The following PDE4D variants were observed in gnomAD, a reference collection of about 807,000 sequenced individuals.
PDE4D encodes the protein 3',5'-cyclic-AMP phosphodiesterase 4D.
Under a neutral mutation model 87.4 loss-of-function variants are expected in PDE4D, and 24 were observed. The observed-to-expected ratio is 0.27, with a 90% confidence interval of 0.20 to 0.39. The LOEUF (loss-of-function observed/expected upper bound fraction) is 0.39, where lower values mean the gene tolerates loss of function less well. Among genes scored for constraint, PDE4D ranks in the 10% least tolerant of loss-of-function variants. The pLI is 1.00. For synonymous variants in PDE4D, 384 were observed against 383.2 expected, an observed-to-expected ratio of 1.00 and a Z score of -0.02; for missense variants, 714 against 1,041.0, an observed-to-expected ratio of 0.69 and a Z score of 4.32.
chr5:59,022,514 A>C (rs1457269342), intron 6 of PDE4D, among the ~76,000 whole-genome samples: 3 of 152,150 alleles, frequency 2.0e-5, no homozygotes, highest in Non-Finnish European at 4.4e-5. Flanking sequence ...ACCTGCTTAC[A>C]CCTTCCGTGA....
chr5:59,053,509 C>G, intron 5 of PDE4D, among the ~76,000 whole-genome samples: 1 of 151,638 alleles, frequency 6.6e-6, no homozygotes, highest in Middle Eastern at 3.4e-3. Context: ...TGATTTGAGA[C>G]AAATTTGAGA....
In PDE4D at chr5:60,312,487, C is replaced by A. The variant is rs533941766; in HGVS notation, c.-89-126800G>T. Among the ~76,000 whole-genome samples the A allele has an allele frequency of 2.6e-5, 4 of 152,264 alleles. No homozygotes were observed. The South Asian group carries it at 8.3e-4, about 32-fold the overall frequency. On this transcript the variant is annotated intron_variant, in intron 1 of 16. Transcript: ENST00000502484. ...TCACAGTTCTGCACTCCTAGGAGGC[C>A]TCAGGAAACTTACAATCATGGCAGA... is the stretch of plus-strand genomic sequence containing the variant.
chr5:59,271,103 G>A (rs1015107387), intron 1 of PDE4D, among the ~76,000 whole-genome samples: 1 of 151,202 alleles, frequency 6.6e-6, no homozygotes, highest in Admixed American at 6.6e-5. Flanking sequence ...GCAGTGGCAC[G>A]ATCTTGGCTC....
intron 1 of PDE4D, among the ~76,000 whole-genome samples, chr5:59,720,301 G>C (rs1474655585): frequency 6.6e-6 from 1 of 152,066 alleles, no homozygotes; most frequent in Non-Finnish European, 1.5e-5. Context: ...AGCCAGGTAT[G>C]TGCTATCATG....
intron 5 of PDE4D, among the ~76,000 whole-genome samples, chr5:59,088,172 T>C (rs1184155223): frequency 6.6e-6 from 1 of 152,228 alleles, no homozygotes; most frequent in Non-Finnish European, 1.5e-5. Flanking sequence ...ACCACTTATC[T>C]GTTATTTTCT....
At chr5:59,638,922 G>A (rs74798791) in intron 1 of PDE4D, among the ~76,000 whole-genome samples, 2 of 152,116 alleles carry the variant, frequency 1.3e-5, no homozygotes, top group Non-Finnish European at 2.9e-5. Context: ...ATTTTGGTCA[G>A]TCACAGTTTC....
At chr5:59,496,744 G>C (rs527947538) in intron 1 of PDE4D, among the ~76,000 whole-genome samples, 3 of 152,126 alleles carry the variant, frequency 2.0e-5, no homozygotes, top group East Asian at 1.9e-4. Flanking sequence ...TTGTCGAGAA[G>C]GGGTCATCGC....
intron 1 of PDE4D, among the ~76,000 whole-genome samples, chr5:60,229,240 C>T (rs567794100): frequency 6.6e-6 from 1 of 152,120 alleles, no homozygotes; most frequent in Non-Finnish European, 1.5e-5. Context: ...AATATATTCA[C>T]TTCAGAACTT....
chr5:60,452,763 G>C (rs1746190841), intron 1 of PDE4D, among the ~76,000 whole-genome samples: 1 of 152,006 alleles, frequency 6.6e-6, no homozygotes, highest in South Asian at 2.1e-4. Flanking sequence ...TGATTAAACA[G>C]ATCTGAGACA....
intron 2 of PDE4D, among the ~76,000 whole-genome samples, chr5:60,088,458 AATTG>A (rs1446612078): frequency 1.3e-5 from 2 of 152,208 alleles, no homozygotes; most frequent in South Asian, 2.1e-4. Flanking sequence ...TAATCTCAAC[AATTG>A]ATTAAGAGTT....
chr5:59,853,249 C>A (rs1484510690), intron 1 of PDE4D, among the ~76,000 whole-genome samples: 1 of 152,010 alleles, frequency 6.6e-6, no homozygotes, highest in African/African-American at 2.4e-5. Flanking sequence ...AACTTCGACT[C>A]TGCTAATTTT....
chr5:60,221,858 G>A (rs922393722), intron 1 of PDE4D, among the ~76,000 whole-genome samples: 10 of 152,050 alleles, frequency 6.6e-5, no homozygotes, highest in South Asian at 2.1e-4. Flanking sequence ...GTGAACATCC[G>A]GGCTGTTACC....
At chr5:60,135,005 C>T (rs1165361616) in intron 2 of PDE4D, among the ~76,000 whole-genome samples, 1 of 152,156 alleles carries the variant, frequency 6.6e-6, no homozygotes, top group Admixed American at 6.5e-5. Context: ...TCCTCCCTGA[C>T]GAAACTCTTA....
At chr5:60,001,193 C>T (rs564031178) in intron 2 of PDE4D, among the ~76,000 whole-genome samples, 64 of 152,248 alleles carry the variant, frequency 4.2e-4, no homozygotes, top group South Asian at 1.0e-3. Flanking sequence ...GAGGGAACCA[C>T]GCCTATCTGC....
At chr5:60,341,047 C>T (rs191259758) in intron 1 of PDE4D, among the ~76,000 whole-genome samples, 8 of 152,202 alleles carry the variant, frequency 5.3e-5, no homozygotes, top group African/African-American at 1.4e-4. Context: ...AAATGGAAGT[C>T]GAGTCAGACT....
chr5:60,123,297 A>T (rs2149383017), intron 2 of PDE4D, among the ~76,000 whole-genome samples: 1 of 152,280 alleles, frequency 6.6e-6, no homozygotes, highest in South Asian at 2.1e-4. Context: ...TTACTGTATT[A>T]GTCCATTTTC....
chr5:60,482,682 C>G (rs1414052553), intron 1 of PDE4D, among the ~76,000 whole-genome samples: 1 of 152,166 alleles, frequency 6.6e-6, no homozygotes. Context: ...GTTAAGTCAA[C>G]AAGATTTCAG....
chr5:59,540,253 ATTTT>A (rs1014970674), intron 1 of PDE4D, among the ~76,000 whole-genome samples: 1 of 151,860 alleles, frequency 6.6e-6, no homozygotes, highest in Admixed American at 6.6e-5. Flanking sequence ...TCTTTCTTTC[ATTTT>A]TTTTGGTACC....
rs1554081503 is a variant in PDE4D, at chr5:59,771,499, G to GAGAGAGAAGAAAGAAAGAAAGA, written c.455+121668_455+121669insTCTTTCTTTCTTTCTTCTCTCT. 9.1e-4 allele frequency among the ~76,000 whole-genome samples: 18 copies of GAGAGAGAAGAAAGAAAGAAAGA among 19,728 alleles called. 1 individual carries two copies. The highest frequency in any genetic ancestry group is 2.0e-3 in the East Asian group (1 of 510). 12.9% of individuals were successfully genotyped at this position (19,728 alleles called of 152,430 possible). ...AAAGAAAGAAAGAGAGAGAGAGAGA[G>GAGAGAGAAGAAAGAAAGAAAGA]AAGAAAGAAAGAAAGAAAGAAAGAA... On this transcript the variant is annotated intron_variant, in intron 1 of 14. Transcript: ENST00000340635.
Sources: allele counts gnomAD v4.1 joint callset (sites outside exome capture counted in the v4.1 genomes callset), GRCh38; gene constraint gnomAD v4.1.1; transcripts MANE v1.5; gene names NCBI Gene and HGNC (gene_info 2026-07-23, HGNC 2026-07-21).